MAP2K5: variants seen among roughly 807,000 people sequenced by gnomAD.
MAP2K5 encodes the protein dual specificity mitogen-activated protein kinase kinase 5.
In MAP2K5, 49 loss-of-function variants were observed where a neutral mutation model predicts 83.1. The ratio of observed to expected loss-of-function variants is 0.59; its 90% CI spans 0.47 to 0.75. MAP2K5 has a LOEUF of 0.75. MAP2K5 is among the 30% of genes least tolerant of loss of function. The pLI is 0.00. For synonymous variants in MAP2K5, 202 were observed against 191.8 expected (o/e 1.05, Z -0.44); for missense variants, 457 against 557.5 (o/e 0.82, Z 1.82).
At chr15:67,589,799 G>A (rs2085359688) in intron 6 of MAP2K5, among the ~76,000 whole-genome samples, 2 of 151,856 alleles carry the variant, frequency 1.3e-5, no homozygotes, top group South Asian at 4.2e-4. Context: ...GTGTGTGTGT[G>A]TGTGTGTGTG....
chr15:67,548,968 C>T, intron 1 of MAP2K5: 3 of 1,365,912 alleles, frequency 2.2e-6, no homozygotes, highest in African/African-American at 2.9e-5. Context: ...GCCACTGCAG[C>T]AAAAGCTTCT....
At chr15:67,628,353 A>G (rs2086376406) in intron 8 of MAP2K5, among the ~76,000 whole-genome samples, 1 of 151,966 alleles carries the variant, frequency 6.6e-6, no homozygotes, top group African/African-American at 2.4e-5. Flanking sequence ...GGTGGCAGGC[A>G]CCTGTAATCC....
intron 21 of MAP2K5, among the ~76,000 whole-genome samples, chr15:67,805,271 G>T (rs951908602): frequency 1.3e-5 from 2 of 152,334 alleles, no homozygotes; most frequent in African/African-American, 2.4e-5. Flanking sequence ...GAAGGTTGGG[G>T]GCGGGCACTG....
rs542156484 is a variant in MAP2K5, at chr15:67,724,407, A to T, written c.1045-3509A>T. ...TTCTTTTTTATTTATTTATTTATTT[A>T]TTTTTTGAGTTAGGGTCTCACTCTT... On this transcript the variant is annotated intron_variant, in intron 16 of 21. Coordinates refer to ENST00000178640, the MANE Select transcript of MAP2K5 (RefSeq NM_145160.3). The surrounding 1 kb of genome is among the most constrained non-coding windows in gnomAD (Gnocchi z 4.4). Among the ~76,000 whole-genome samples, 4 of 151,698 alleles carry T rather than the reference A, an allele frequency of 2.6e-5. No homozygotes were observed. Among genetic ancestry groups the T allele is most frequent in the Non-Finnish European group, 4.4e-5 (3 of 67,894 alleles).
intron 11 of MAP2K5, among the ~76,000 whole-genome samples, chr15:67,653,786 A>G (rs2087006203): frequency 6.6e-6 from 1 of 151,692 alleles, no homozygotes; most frequent in South Asian, 2.1e-4. Context: ...TATTGATTTG[A>G]GATCTTTCTT....
chr15:67,567,484 C>T (rs2084864594), intron 3 of MAP2K5, among the ~76,000 whole-genome samples: 1 of 151,874 alleles, frequency 6.6e-6, no homozygotes, highest in African/African-American at 2.4e-5. Flanking sequence ...CCTGCCTCAG[C>T]CTCCCGAGTA....
chr15:67,595,892 A>G (rs2085514108), intron 7 of MAP2K5, among the ~76,000 whole-genome samples: 1 of 152,118 alleles, frequency 6.6e-6, no homozygotes, highest in South Asian at 2.1e-4. Flanking sequence ...AATAGCCCAA[A>G]GTGTCAATTT....
At chr15:67,667,247 T>A (rs2087403592) in intron 13 of MAP2K5, among the ~76,000 whole-genome samples, 1 of 152,244 alleles carries the variant, frequency 6.6e-6, no homozygotes, top group African/African-American at 2.4e-5. Flanking sequence ...TTCTTCTTGA[T>A]TAAAAAATTG....
intron 9 of MAP2K5, among the ~76,000 whole-genome samples, chr15:67,631,419 G>T (rs937480841): frequency 6.6e-6 from 1 of 151,934 alleles, no homozygotes; most frequent in Non-Finnish European, 1.5e-5. Context: ...CTGTACTTTC[G>T]GTCTTTTCTT....
At position 67,587,141 on chromosome 15, in the gene MAP2K5, GGC is replaced by G. The variant is rs1224936743; in HGVS notation, c.431+230_431+231del. 6.6e-6 allele frequency among the ~76,000 whole-genome samples: 1 copy of G among 152,168 alleles called. No individual in the cohort carries two copies. Among genetic ancestry groups the G allele is most frequent in the African/African-American group, 2.4e-5 (1 of 41,442 alleles). Reference sequence around the variant, plus strand: ...GTTTTGACCTGAAGAAGCAGAGAAGGGCGTTTCAGACGGAGGGAAGAGGGTAG... The same window carrying G: ...GTTTTGACCTGAAGAAGCAGAGAAGGGTTTCAGACGGAGGGAAGAGGGTAG... On this transcript the variant is annotated intron_variant, in intron 6 of 21. Coordinates refer to ENST00000178640, the MANE Select transcript of MAP2K5 (RefSeq NM_145160.3). This position sits in a 1 kb window ranked among gnomAD's most constrained non-coding sequence, Gnocchi z 4.8.
rs969021795 is a variant in MAP2K5, at chr15:67,777,081, T to C, written c.1242+4329T>C. ...CTCAATGATTGTTAAGCTCCCTTGC[T>C]TCTGTCCTTTAGAGTTACTTGGCCA... On this transcript the variant is annotated intron_variant, in intron 21 of 21. Coordinates refer to ENST00000178640, the MANE Select transcript of MAP2K5 (RefSeq NM_145160.3). This position sits in a 1 kb window ranked among gnomAD's most constrained non-coding sequence, Gnocchi z 6.0. 2.6e-5 allele frequency among the ~76,000 whole-genome samples: 4 copies of C among 152,222 alleles called. No homozygotes were observed. Among genetic ancestry groups the C allele is most frequent in the African/African-American group, 7.2e-5 (3 of 41,456 alleles).
At chr15:67,664,561 T>G in intron 12 of MAP2K5, 36 bp from the exon 13 acceptor site, 1 of 1,301,304 alleles carries the variant, frequency 7.7e-7, no homozygotes, top group Non-Finnish European at 1.1e-6. Flanking sequence ...AAAACCATAA[T>G]TGATAATTGT....
intron 17 of MAP2K5, among the ~76,000 whole-genome samples, chr15:67,741,475 C>G (rs1476618840): frequency 1.3e-5 from 2 of 152,198 alleles, no homozygotes; most frequent in Non-Finnish European, 2.9e-5. Context: ...GAGAGGGGAA[C>G]AGCAGGTCTC....
chr15:67,695,099 G>A (rs2088216181), intron 15 of MAP2K5, among the ~76,000 whole-genome samples: 1 of 148,690 alleles, frequency 6.7e-6, no homozygotes, highest in African/African-American at 2.5e-5. Flanking sequence ...TCACACTCTG[G>A]GGACTGTTGT....
chr15:67,722,144 A>C lies in MAP2K5; in HGVS notation c.1045-5772A>C, dbSNP rs993322935. Among the ~76,000 whole-genome samples, 1 of 152,188 alleles carries C rather than the reference A, an allele frequency of 6.6e-6. No homozygotes were observed. The highest frequency in any genetic ancestry group is 2.4e-5 in the African/African-American group (1 of 41,450). ...CTTCCTCATAGTTCTAGACATGAAC[A>C]AATATGTCACTTCATCAGTCTCTGT... On this transcript the variant is annotated intron_variant, in intron 16 of 21. Coordinates refer to ENST00000178640, the MANE Select transcript of MAP2K5 (RefSeq NM_145160.3). The surrounding 1 kb of genome is among the most constrained non-coding windows in gnomAD (Gnocchi z 4.2).
chr15:67,547,391 A>G (rs1258739848), intron 1 of MAP2K5, among the ~76,000 whole-genome samples: 1 of 152,066 alleles, frequency 6.6e-6, no homozygotes, highest in African/African-American at 2.4e-5. Context: ...ATTTATTGAA[A>G]GGAAGAAGAA....
In MAP2K5 at chr15:67,550,121, T is replaced by C. The variant is rs768613234; in HGVS notation, c.184+39T>C. 5.1e-6 allele frequency: 8 copies of C among 1,572,262 alleles called. No individual in the cohort carries two copies. The African/African-American group carries it at 9.5e-5, about 19-fold the overall frequency. ...GTATACTTTCTTGACTATTCCTTTC[T>C]GCAGTCATTTTTTAAAGGGTTTATG... On this transcript the variant is annotated intron_variant, in intron 2 of 21. Transcript: ENST00000178640.
intron 16 of MAP2K5, among the ~76,000 whole-genome samples, chr15:67,713,674 T>C (rs1984442): frequency 0.55 from 83,260 of 151,396 alleles, 23,584 homozygotes; most frequent in Non-Finnish European, 0.6. Flanking sequence ...AGGCAGAGGT[T>C]GCAGTGAGCC....
At chr15:67,545,495 A>T (rs766089088) in intron 1 of MAP2K5, among the ~76,000 whole-genome samples, 34 of 152,208 alleles carry the variant, frequency 2.2e-4, no homozygotes, top group Non-Finnish European at 4.7e-4. Flanking sequence ...CCTTATTTGT[A>T]AAACAGGGAA....
Sources: gnomAD v4.1 joint callset for allele counts (sites outside exome capture counted in the v4.1 genomes callset) on GRCh38, gnomAD v4.1.1 for gene constraint, Gnocchi (gnomAD v3.1) non-coding constraint, MANE v1.5 for transcripts, NCBI Gene and HGNC (gene_info 2026-07-23, HGNC 2026-07-21) for gene names.